ADSS2: variants seen among roughly 807,000 people sequenced by gnomAD.
ADSS2 encodes adenylosuccinate synthase 2.
A neutral mutation model predicts 60.0 loss-of-function variants in ADSS2; 30 were observed. That is an observed-to-expected ratio of 0.50 (90% CI 0.37 to 0.68). The LOEUF is 0.68. Among genes scored for constraint, ADSS2 ranks in the 30% least tolerant of loss-of-function variants. ADSS2 has a pLI of 0.00. For missense variants in ADSS2, 373 were observed against 554.8 expected, an observed-to-expected ratio of 0.67 and a Z score of 3.29; for synonymous variants, 187 against 193.1, an observed-to-expected ratio of 0.97 and a Z score of 0.26.
chr1:244,451,985 C>G (rs1377404325), upstream of ADSS2: 1 of 632,646 alleles, frequency 1.6e-6, no homozygotes. The surrounding 1 kb of genome is among the most constrained non-coding windows in gnomAD (Gnocchi z 6.6). Context: ...GCCCCGCTCT[C>G]CGCCACAGCC....
intron 2 of ADSS2, 143 bp downstream of exon 2, chr1:244,437,523 C>T: frequency 3.2e-6 from 2 of 634,102 alleles, no homozygotes; most frequent in Middle Eastern, 4.4e-4. Context: ...ATGTATATTC[C>T]AGAAGGTATC....
chr1:244,449,316 A>C (rs777031909), intron 1 of ADSS2, among the ~76,000 whole-genome samples: 1 of 152,246 alleles, frequency 6.6e-6, no homozygotes, highest in Non-Finnish European at 1.5e-5. Flanking sequence ...TTATGTGTAC[A>C]TCACTTCTGG....
intron 1 of ADSS2, among the ~76,000 whole-genome samples, chr1:244,438,672 T>C (rs1665160938): frequency 6.6e-6 from 1 of 152,218 alleles, no homozygotes; most frequent in Admixed American, 6.5e-5. Context: ...ATAAAAACTT[T>C]AACAACATCC....
At chr1:244,441,280 G>T (rs375601854) in intron 1 of ADSS2, among the ~76,000 whole-genome samples, 2 of 152,054 alleles carry the variant, frequency 1.3e-5, no homozygotes, top group South Asian at 2.1e-4. Context: ...GGATGGTCTC[G>T]ATCTCCTGAC....
chr1:244,421,980 T>C (rs1295989630), intron 7 of ADSS2, among the ~76,000 whole-genome samples: 1 of 151,990 alleles, frequency 6.6e-6, no homozygotes, highest in Non-Finnish European at 1.5e-5. Flanking sequence ...TCTCAAAAAA[T>C]AAAATAAAAT....
At chr1:244,441,093 C>T (rs574608938) in intron 1 of ADSS2, among the ~76,000 whole-genome samples, 43 of 146,014 alleles carry the variant, frequency 2.9e-4, no homozygotes, top group Non-Finnish European at 5.8e-4. Flanking sequence ...GAGTCTTGCT[C>T]TGTCTCCCAG....
chr1:244,438,090 T>C (rs905414481), intron 1 of ADSS2, among the ~76,000 whole-genome samples: 6 of 152,186 alleles, frequency 3.9e-5, no homozygotes, highest in Admixed American at 2.0e-4. Context: ...TCTTTGGCTA[T>C]GGAGGATTAT....
intron 4 of ADSS2, chr1:244,425,000 G>C (rs1057305152): frequency 6.6e-6 from 1 of 152,430 alleles, no homozygotes; most frequent in Admixed American, 6.5e-5. Flanking sequence ...ACTGCCCTCT[G>C]GTCACACTGG....
intron 4 of ADSS2, among the ~76,000 whole-genome samples, chr1:244,426,164 CCT>C (rs1322572545): frequency 1.3e-5 from 2 of 152,014 alleles, no homozygotes; most frequent in African/African-American, 4.8e-5. Context: ...TGTTTTAAAC[CCT>C]GATTTTGCAA....
chr1:244,443,693 A>G (rs1042069398), intron 1 of ADSS2, among the ~76,000 whole-genome samples: 2 of 152,210 alleles, frequency 1.3e-5, no homozygotes, highest in African/African-American at 2.4e-5. Flanking sequence ...TGAATATTAA[A>G]AACATTTGAC....
intron 3 of ADSS2, among the ~76,000 whole-genome samples, chr1:244,433,343 T>C (rs1249211007): frequency 6.6e-6 from 1 of 152,240 alleles, no homozygotes; most frequent in African/African-American, 2.4e-5. Context: ...TTCTCACATG[T>C]CATTCATTCC....
At chr1:244,410,391 T>C (rs183474663) in intron 12 of ADSS2, among the ~76,000 whole-genome samples, 18 of 152,318 alleles carry the variant, frequency 1.2e-4, no homozygotes, top group African/African-American at 4.3e-4. Flanking sequence ...GAAAAAGCCA[T>C]CTGTTAAAAG....
chr1:244,411,643 C>T lies in ADSS2; in HGVS notation c.1169-207G>A, dbSNP rs561037264. On this transcript the variant is annotated intron_variant, in intron 11 of 12. Coordinates refer to ENST00000366535, the MANE Select transcript of ADSS2 (RefSeq NM_001126.5). ...ATAATCAAACATATTTCTGCAGCAA[C>T]GCATATGATCATTTGCTATAAGAGG... 2.2e-4 allele frequency among the ~76,000 whole-genome samples: 33 copies of T among 152,286 alleles called. 1 individual carries two copies. The South Asian group carries it at 6.4e-3, about 30-fold the overall frequency.
At chr1:244,446,777 C>T (rs1217780523) in intron 1 of ADSS2, among the ~76,000 whole-genome samples, 3 of 152,082 alleles carry the variant, frequency 2.0e-5, no homozygotes, top group African/African-American at 4.8e-5. Flanking sequence ...TATAAACCAA[C>T]GATGTCACAC....
intron 8 of ADSS2, among the ~76,000 whole-genome samples, chr1:244,419,730 G>T (rs1428443771): frequency 6.6e-6 from 1 of 152,098 alleles, no homozygotes. Context: ...TGAAGATGAA[G>T]GAAATGCTCT....
chr1:244,418,231 T>C (rs1664583179), intron 9 of ADSS2, among the ~76,000 whole-genome samples: 1 of 152,246 alleles, frequency 6.6e-6, no homozygotes, highest in Non-Finnish European at 1.5e-5. Flanking sequence ...ACCGAAGTCC[T>C]TGATTTGCCC....
intron 12 of ADSS2, 129 bp downstream of exon 12, chr1:244,411,158 T>C: frequency 1.1e-6 from 1 of 872,346 alleles, no homozygotes; most frequent in Non-Finnish European, 1.7e-6. Context: ...GAGGCAGAGG[T>C]TGCAGTGAGC....
At chr1:244,443,712 T>A (rs936332497) in intron 1 of ADSS2, among the ~76,000 whole-genome samples, 1 of 152,250 alleles carries the variant, frequency 6.6e-6, no homozygotes, top group Non-Finnish European at 1.5e-5. Context: ...ACATTGTTTT[T>A]TTCAGTCCGC....
At chr1:244,420,650 T>C (rs879849123) in intron 7 of ADSS2, among the ~76,000 whole-genome samples, 1 of 152,196 alleles carries the variant, frequency 6.6e-6, no homozygotes, top group African/African-American at 2.4e-5. Flanking sequence ...CTTTTAAATT[T>C]TGTGAGGTAT....
Sources: allele counts gnomAD v4.1 joint callset (sites outside exome capture counted in the v4.1 genomes callset), GRCh38; gene constraint gnomAD v4.1.1; non-coding constraint Gnocchi (gnomAD v3.1); transcripts MANE v1.5; gene names NCBI Gene and HGNC (gene_info 2026-07-23, HGNC 2026-07-21).